The following CHD3 variants were observed in gnomAD, a reference collection of about 807,000 sequenced individuals.
CHD3 encodes the protein chromodomain helicase DNA binding protein 3.
A neutral mutation model predicts 248.9 loss-of-function variants in CHD3; 52 were observed. The observed-to-expected ratio is 0.21, with a 90% CI of 0.17 to 0.26. CHD3 has a LOEUF of 0.26. Among genes scored for constraint, CHD3 ranks in the 10% least tolerant of loss-of-function variants. The probability of loss-of-function intolerance (pLI) is 1.00; values close to 1 mark genes in which losing one functional copy is unlikely to be tolerated. For missense variants in CHD3, 1,482 were observed against 2,605.8 expected (o/e 0.57, Z 9.39); for synonymous variants, 985 against 985.2 (o/e 1.00, Z 0.00).
At position 7,895,173 on chromosome 17, in the gene CHD3, TG is replaced by T; in HGVS notation, c.1503+24del. ...ACAGTGAGTGGAAACATCTCCCCTC[TG>T]TATTTACTGTCAGGCCTGATCCCTT... On this transcript the variant is annotated intron_variant, in intron 9 of 39. Coordinates refer to ENST00000330494, the MANE Select transcript of CHD3 (RefSeq NM_001005273.3). The surrounding 1 kb of genome is among the most constrained non-coding windows in gnomAD (Gnocchi z 4.9). The T allele has an allele frequency of 6.2e-7, 1 of 1,608,704 alleles. No homozygotes were observed.
rs956065983 is a variant in CHD3, at chr17:7,888,920, A to T, written c.-81A>T. 6.3e-7 allele frequency: 1 copy of T among 1,599,414 alleles called. No individual in the cohort carries two copies. The highest frequency in any genetic ancestry group is 8.5e-7 in the Non-Finnish European group (1 of 1,171,966). On this transcript the variant is annotated 5_prime_UTR_variant, in exon 1 of 40. It removes an upstream start codon present in the reference 5' UTR. Transcript: ENST00000330494. ...CCTAGTTCCCAAAGGGAGCAGGGAG[A>T]TGGGAATAGAATTGAAGGTAGGTTT...
chr17:7,908,358 C>G lies in CHD3; in HGVS notation c.5153-44C>G, dbSNP rs1267701681. 6.6e-7 allele frequency: 1 copy of G among 1,503,968 alleles called. No individual in the cohort carries two copies. The highest frequency in any genetic ancestry group is 1.4e-5 in the African/African-American group (1 of 72,962). 93.2% of individuals were successfully genotyped at this position (1,503,968 alleles called of 1,614,324 possible). On this transcript the variant is annotated intron_variant, in intron 34 of 39. Transcript: ENST00000330494. This position sits in a 1 kb window ranked among gnomAD's most constrained non-coding sequence, Gnocchi z 5.8. ...ACCTGTCTGTTGGACTGAGTGCAGT[C>G]TGCAAAACCCTGTTACCTCTTCTGT...
rs1361068675 is a variant in CHD3 at position 7,895,019 on chromosome 17, T to C, written c.1372T>C (p.Tyr458His). 6.2e-7 allele frequency: 1 copy of C among 1,613,866 alleles called. No individual in the cohort carries two copies. Among genetic ancestry groups the C allele is most frequent in the Non-Finnish European group, 8.5e-7 (1 of 1,179,922 alleles). ...EKEEEDDHME[Y>H]CRVCKDGGEL... Reference sequence around the variant, plus strand: ...GGAGGAGGAGGATGATCACATGGAGTACTGCCGCGTATGCAAGGACGGCGG... The same window carrying C: ...GGAGGAGGAGGATGATCACATGGAGCACTGCCGCGTATGCAAGGACGGCGG... The change falls in exon 9 of 40, where the codon TAC (tyrosine) becomes CAC (histidine). Residue 458 changes from tyrosine to histidine, a missense_variant. Around this residue, in one of 20 missense-constraint regions of CHD3, gnomAD observed 138 missense variants for 241.1 expected, o/e 0.57. Transcript: ENST00000330494. This position sits in a 1 kb window ranked among gnomAD's most constrained non-coding sequence, Gnocchi z 4.9.
chr17:7,895,247 C>G lies in CHD3; in HGVS notation c.1504-92C>G. On this transcript the variant is annotated intron_variant, in intron 9 of 39. Transcript: ENST00000330494. This position sits in a 1 kb window ranked among gnomAD's most constrained non-coding sequence, Gnocchi z 4.9. ...GTCCAGCTTTTCATTTCTCTGCACT[C>G]CCCCACCCTTGTGGGACCCCTATCT... The G allele has an allele frequency of 6.3e-7, 1 of 1,579,658 alleles. No individual in the cohort carries two copies.
chr17:7,895,500 A>G lies in CHD3; in HGVS notation c.1665A>G (p.Val555=), dbSNP rs746307733. ...RSEREFFVKW[V]GLSYWHCSWA... is the part of the protein sequence containing the mutation. ...AGCGAGAGTTCTTTGTCAAGTGGGTAGGACTATCCTACTGGCACTGCTCCT... is the reference window on the plus strand; with the variant it reads ...AGCGAGAGTTCTTTGTCAAGTGGGTGGGACTATCCTACTGGCACTGCTCCT... Residue 555 remains valine, a synonymous_variant, in exon 10 of 40, where the codon GTA becomes GTG. Transcript: ENST00000330494. This position sits in a 1 kb window ranked among gnomAD's most constrained non-coding sequence, Gnocchi z 4.9. 6.8e-6 allele frequency: 11 copies of G among 1,614,080 alleles called. No individual in the cohort carries two copies. The highest frequency in any genetic ancestry group is 5.5e-5 in the South Asian group (5 of 91,068).
In CHD3 at chr17:7,902,517, G is replaced by T. The variant is rs1356262949; in HGVS notation, c.3253-93G>T. 1.0e-5 allele frequency: 8 copies of T among 769,488 alleles called. No individual in the cohort carries two copies. In the Admixed American group the frequency reaches 1.5e-4, roughly 15 times the overall value. The allele number at this position is 769,488 out of a possible 1,614,324, so 47.7% of individuals were successfully genotyped here. A position where few individuals can be genotyped will look rare whatever the true frequency, so the allele number is the denominator to read the frequency against. On this transcript the variant is annotated intron_variant, in intron 20 of 39. Transcript: ENST00000330494. ...GACAGGGCAGGGGTTCAGGTGTAAA[G>T]ATTAGGGTTGAGTTTGTGTAAAGGA...
intron 7 of CHD3, 22 bp from the exon 8 acceptor site, chr17:7,894,393 C>G (rs761678811): frequency 1.3e-6 from 2 of 1,598,036 alleles, no homozygotes; most frequent in Non-Finnish European, 1.7e-6. Flanking sequence ...CTTCCTTATC[C>G]CTCCACCGGG....
chr17:7,905,753 G>C lies in CHD3; in HGVS notation c.4224+47G>C. ...CCTGAGTTCTCCAAGAGGGCATGAG[G>C]GCAGGAGGTTGGAAGTTGGTGCCTG... On this transcript the variant is annotated intron_variant, in intron 27 of 39. Coordinates refer to ENST00000330494, the MANE Select transcript of CHD3 (RefSeq NM_001005273.3). The surrounding 1 kb of genome is among the most constrained non-coding windows in gnomAD (Gnocchi z 5.8). 1 of 1,612,980 alleles carries C rather than the reference G, an allele frequency of 6.2e-7. No homozygotes were observed. Among genetic ancestry groups the C allele is most frequent in the Non-Finnish European group, 8.5e-7 (1 of 1,179,022 alleles).
At chr17:7,898,151 G>T (rs371646549) in intron 12 of CHD3, 49 bp downstream of exon 12, 55 of 1,602,330 alleles carry the variant, frequency 3.4e-5, no homozygotes, top group Non-Finnish European at 4.7e-5. Context: ...ATGAGGGCAT[G>T]AAAGCCAAAA....
At position 7,910,831 on chromosome 17, in the gene CHD3, T is replaced by C. The variant is rs1400247473; in HGVS notation, c.5755-16T>C. 6.3e-7 allele frequency: 1 copy of C among 1,584,522 alleles called. No homozygotes were observed. Among genetic ancestry groups the C allele is most frequent in the Admixed American group, 2.0e-5 (1 of 50,446 alleles). On this transcript the variant is annotated splice_polypyrimidine_tract_variant and intron_variant, in intron 38 of 39. Transcript: ENST00000330494. The surrounding 1 kb of genome is among the most constrained non-coding windows in gnomAD (Gnocchi z 4.7). ...ACTATGAACTAACTCCAACTTCTGC[T>C]TCCTCTCTGTTCCAGGCCTACCCGC... is the stretch of plus-strand genomic sequence containing the variant.
upstream of CHD3, chr17:7,885,089 C>T (rs1057353456): frequency 1.0e-6 from 1 of 984,278 alleles, no homozygotes; most frequent in Non-Finnish European, 1.2e-6. Context: ...GCCAGGTAAG[C>T]GCCCGCCCCG....
Position 7,911,656 on chromosome 17 carries a change from T to C in CHD3, c.*71T>C, listed in dbSNP as rs763492812. 4.4e-6 allele frequency: 7 copies of C among 1,607,782 alleles called. 1 individual carries two copies. In the South Asian group the frequency reaches 7.7e-5, roughly 18 times the overall value. On this transcript the variant is annotated 3_prime_UTR_variant, in exon 40 of 40. Coordinates refer to ENST00000330494, the MANE Select transcript of CHD3 (RefSeq NM_001005273.3). This position sits in a 1 kb window ranked among gnomAD's most constrained non-coding sequence, Gnocchi z 5.4. ...GACCCCCAGCTCAAGCGCTGGGGCC[T>C]GCTGCCAGCCCTCCACCTTCCCCAC...
In CHD3 at chr17:7,897,836, C is replaced by T; in HGVS notation, c.1920-135C>T. The T allele has an allele frequency of 4.4e-6, 4 of 919,316 alleles. No individual in the cohort carries two copies. Among genetic ancestry groups the T allele is most frequent in the East Asian group, 5.0e-5 (2 of 40,262 alleles). 56.9% of individuals were successfully genotyped at this position (919,316 alleles called of 1,614,324 possible). A position where few individuals can be genotyped will look rare whatever the true frequency, so the allele number is the denominator to read the frequency against. ...TAGGTCAACTATTCCAATCTCCCTT[C>T]CAGCAGCTCACTGTTGACGGTTGGG... On this transcript the variant is annotated intron_variant, in intron 11 of 39. Transcript: ENST00000330494. The surrounding 1 kb of genome is among the most constrained non-coding windows in gnomAD (Gnocchi z 4.8).
chr17:7,889,911 C>G lies in CHD3; in HGVS notation c.213+135C>G. 1.3e-6 allele frequency: 1 copy of G among 789,964 alleles called. No homozygotes were observed. Among genetic ancestry groups the G allele is most frequent in the South Asian group, 1.8e-5 (1 of 56,218 alleles). The allele number at this position is 789,964 out of a possible 1,614,324, so 48.9% of individuals were successfully genotyped here. A position where few individuals can be genotyped will look rare whatever the true frequency, so the allele number is the denominator to read the frequency against. On this transcript the variant is annotated intron_variant, in intron 2 of 39. Coordinates refer to ENST00000330494, the MANE Select transcript of CHD3 (RefSeq NM_001005273.3). The surrounding 1 kb of genome is among the most constrained non-coding windows in gnomAD (Gnocchi z 4.5). The stretch of plus-strand genomic sequence containing the variant: ...AGGGAGGCTTGATCCCCCGGGCCCC[C>G]CACTTCCCTGCCACTGTTGGCCTGT...
Position 7,905,417 on chromosome 17 carries a change from T to C in CHD3, c.4139-204T>C. ...ACTGGTAATCTGGGCCTTTGTCAGA[T>C]ATCAGCTGTTAATTTTAAAATATGA... On this transcript the variant is annotated intron_variant, in intron 26 of 39. Coordinates refer to ENST00000330494, the MANE Select transcript of CHD3 (RefSeq NM_001005273.3). This position sits in a 1 kb window ranked among gnomAD's most constrained non-coding sequence, Gnocchi z 5.8. The C allele has an allele frequency of 1.6e-6, 1 of 617,030 alleles. No individual in the cohort carries two copies. The highest frequency in any genetic ancestry group is 2.9e-6 in the Non-Finnish European group (1 of 348,330). The allele number at this position is 617,030 out of a possible 1,614,324, so 38.2% of individuals were successfully genotyped here.
chr17:7,898,971 C>A (rs1370209042), intron 13 of CHD3, 40 bp from the exon 14 acceptor site: 10 of 1,575,338 alleles, frequency 6.3e-6, no homozygotes, highest in African/African-American at 1.4e-5. Context: ...GAGGAGCCGC[C>A]GACTATTTCC....
upstream of CHD3, among the ~76,000 whole-genome samples, chr17:7,888,627 C>T (rs571610027): frequency 2.0e-5 from 3 of 152,348 alleles, no homozygotes; most frequent in South Asian, 6.2e-4. Context: ...CTGGGGTCCT[C>T]TGGCAGAGAC....
rs559322845 is a variant in CHD3, at chr17:7,904,597, T to C, written c.4050T>C (p.Asn1350=). 1.9e-6 allele frequency: 3 copies of C among 1,613,904 alleles called. No individual in the cohort carries two copies. Among genetic ancestry groups the C allele is most frequent in the African/African-American group, 2.7e-5 (2 of 74,974 alleles). The stretch of plus-strand genomic sequence containing the variant: ...GGGTTCGCAAGCAAGTTAACTACAA[T>C]GATGCTGCTCAGGAAGACCAAGGTG... The part of the protein sequence containing the change: ...GKRVRKQVNY[N]DAAQEDQDNQ... The change falls in exon 25 of 40, where the codon AAT becomes AAC. Residue 1350 remains asparagine (N), a synonymous_variant. Coordinates refer to ENST00000330494, the MANE Select transcript of CHD3 (RefSeq NM_001005273.3). This position sits in a 1 kb window ranked among gnomAD's most constrained non-coding sequence, Gnocchi z 4.4.
In CHD3 at chr17:7,911,528, A is replaced by G. The variant is rs1443827485; in HGVS notation, c.5946A>G (p.Ser1982=). The change falls in exon 40 of 40, where the codon TCA becomes TCG. Residue 1982 remains serine (S), a synonymous_variant. Transcript: ENST00000330494. The surrounding 1 kb of genome is among the most constrained non-coding windows in gnomAD (Gnocchi z 5.4). ...KEKEMVGALV[S]DGLDRKEPRA... is the part of the protein sequence containing the mutation. ...AGGAAATGGTGGGGGCATTGGTGTC[A>G]GACGGGCTGGATCGGAAGGAGCCCC... is the stretch of plus-strand genomic sequence containing the variant. 1.2e-6 allele frequency: 2 copies of G among 1,614,246 alleles called. No individual in the cohort carries two copies. The highest frequency in any genetic ancestry group is 1.7e-5 in the Admixed American group (1 of 60,030).
Sources: allele counts gnomAD v4.1 joint callset (sites outside exome capture counted in the v4.1 genomes callset), GRCh38; gene constraint gnomAD v4.1.1; regional missense constraint gnomAD v4.1.1; non-coding constraint Gnocchi (gnomAD v3.1); transcripts MANE v1.5; gene names NCBI Gene and HGNC (gene_info 2026-07-23, HGNC 2026-07-21).